Variants in MIDEAS observed in about 807,000 individuals in gnomAD.
MIDEAS encodes the protein mitotic deacetylase associated SANT domain protein, also known as mitotic deacetylase-associated SANT domain protein.
MIDEAS carries 26 observed loss-of-function variants against 102.7 expected under a neutral mutation model. The ratio of observed to expected loss-of-function variants is 0.25; its 90% CI spans 0.19 to 0.35. The LOEUF (loss-of-function observed/expected upper bound fraction) is 0.35, where lower values mean the gene tolerates loss of function less well. Ranked by LOEUF, MIDEAS falls within the 10% of genes least tolerant of loss-of-function variation. MIDEAS has a pLI of 1.00. For synonymous variants in MIDEAS, 585 were observed against 591.0 expected (o/e 0.99, Z 0.15); for missense variants, 1,231 against 1,435.6 (o/e 0.86, Z 2.30).
chr14:73,730,413 G>A (rs1322485852), intron 3 of MIDEAS, among the ~76,000 whole-genome samples: 4 of 152,186 alleles, frequency 2.6e-5, no homozygotes, highest in Non-Finnish European at 5.9e-5. Context: ...GACTTCTTGG[G>A]TTGGGACCTA....
At chr14:73,726,575 C>A (rs1161137307) in intron 7 of MIDEAS, 29 bp downstream of exon 7, 2 of 1,604,938 alleles carry the variant, frequency 1.2e-6, no homozygotes, top group Non-Finnish European at 8.5e-7. Flanking sequence ...CACTGAGGGG[C>A]CCTCCCTCTG....
intron 3 of MIDEAS, among the ~76,000 whole-genome samples, chr14:73,734,972 C>T (rs1214058602): frequency 6.6e-6 from 1 of 152,106 alleles, no homozygotes; most frequent in Non-Finnish European, 1.5e-5. Flanking sequence ...AGATGGGAAA[C>T]AGCTAACAGT....
intron 5 of MIDEAS, 76 bp from the exon 6 acceptor site, chr14:73,727,048 A>G: frequency 6.6e-7 from 1 of 1,516,638 alleles, no homozygotes; most frequent in Non-Finnish European, 8.9e-7. Context: ...TCAGGGTGGG[A>G]AGAAGATGAG....
intron 3 of MIDEAS, among the ~76,000 whole-genome samples, chr14:73,734,265 G>A (rs1449848753): frequency 6.6e-6 from 1 of 152,146 alleles, no homozygotes; most frequent in African/African-American, 2.4e-5. Context: ...TTACAGACGT[G>A]AGCCACTGCC....
chr14:73,722,820 C>T lies in MIDEAS; in HGVS notation c.2602G>A (p.Val868Met). The T allele has an allele frequency of 2.5e-6, 4 of 1,614,168 alleles. No homozygotes were observed. The highest frequency in any genetic ancestry group is 2.5e-6 in the Non-Finnish European group (3 of 1,180,004). Residue 868 changes from valine to methionine, a missense_variant, in exon 10 of 13, where the codon GTG becomes ATG. Physicochemically the swap from Val to Met is conservative, Grantham distance 21. Around this residue, in one of 5 missense-constraint regions of MIDEAS, gnomAD observed 391 missense variants for 483.0 expected, o/e 0.81. Transcript: ENST00000423556. ...LIQTKTVAQC[V>M]EFYYTYKKQV... ...TTCTTGTAGGTGTAGTAGAACTCCA[C>T]GCACTGGGCCACGGTCTTGGTCTGG... is the stretch of plus-strand genomic sequence containing the variant.
intron 2 of MIDEAS, among the ~76,000 whole-genome samples, chr14:73,738,166 G>A (rs1286759379): frequency 6.6e-6 from 1 of 152,038 alleles, no homozygotes; most frequent in Non-Finnish European, 1.5e-5. Context: ...GGGGGGCTGA[G>A]GCAGGCAGAT....
At chr14:73,782,745 G>A (rs1011644187) in intron 1 of MIDEAS, among the ~76,000 whole-genome samples, 3 of 152,254 alleles carry the variant, frequency 2.0e-5, no homozygotes, top group East Asian at 3.8e-4. Context: ...GAGCAGAGGT[G>A]TAGGGCATCA....
At chr14:73,724,099 T>G (rs1010402570) in intron 9 of MIDEAS, 3 of 152,250 alleles carry the variant, frequency 2.0e-5, no homozygotes, top group Admixed American at 6.5e-5. Context: ...TAAGTAAGAC[T>G]AGATGATCTC....
chr14:73,751,538 C>T (rs772326775), intron 1 of MIDEAS, among the ~76,000 whole-genome samples: 2 of 151,962 alleles, frequency 1.3e-5, no homozygotes, highest in Non-Finnish European at 2.9e-5. Context: ...GCATCTTTGC[C>T]TAAGAGGAAG....
At chr14:73,743,787 G>A (rs1476275459) in intron 1 of MIDEAS, among the ~76,000 whole-genome samples, 1 of 152,046 alleles carries the variant, frequency 6.6e-6, no homozygotes, top group African/African-American at 2.4e-5. Context: ...ACGGATGCAG[G>A]AACACTGCAA....
intron 1 of MIDEAS, among the ~76,000 whole-genome samples, chr14:73,744,329 T>C (rs902212435): frequency 2.0e-5 from 3 of 152,240 alleles, no homozygotes; most frequent in African/African-American, 2.4e-5. Context: ...ACCAGTCTGC[T>C]TGGGGCAATC....
In MIDEAS at chr14:73,739,395, T is replaced by C. The variant is rs143293780; in HGVS notation, c.614A>G (p.Lys205Arg). ...GGGCAGTGACTGGTTTGGGGGTTTC[T>C]TGGCTGCGTGGAAAGAATTCAGGGG... ...QAPLNSFHAA[K>R]KPPNQSLPLQ... The change falls in exon 2 of 13, where the codon AAG becomes AGG. Residue 205 changes from lysine (K) to arginine (R), a missense_variant. By Grantham distance (26) the Lys-to-Arg change is conservative. Coordinates refer to ENST00000423556, the MANE Select transcript of MIDEAS (RefSeq NM_001367710.1). The C allele has an allele frequency of 1.9e-6, 3 of 1,581,354 alleles. No individual in the cohort carries two copies. The highest frequency in any genetic ancestry group is 2.6e-6 in the Non-Finnish European group (3 of 1,161,944).
At chr14:73,737,343 G>T in intron 2 of MIDEAS, 46 bp from the exon 3 acceptor site, 1 of 1,568,562 alleles carries the variant, frequency 6.4e-7, no homozygotes, top group Non-Finnish European at 8.7e-7. Context: ...GTAAGTCATA[G>T]CCAGGCGCAG....
At chr14:73,774,372 C>T (rs754992624) in intron 1 of MIDEAS, among the ~76,000 whole-genome samples, 1 of 151,934 alleles carries the variant, frequency 6.6e-6, no homozygotes, top group Non-Finnish European at 1.5e-5. Context: ...CCTGTCCTGA[C>T]TGCCTCATGA....
At chr14:73,756,287 TGTGTGTGTGCGCGCGCGC>T (rs776791644) in intron 1 of MIDEAS, among the ~76,000 whole-genome samples, 63 of 99,644 alleles carry the variant, frequency 6.3e-4, no homozygotes, top group Middle Eastern at 6.0e-3. Context: ...TGTGTGTGTG[TGTGTGTGTGCGCGCGCGC>T]GTGCGCGCTG....
At chr14:73,735,604 C>A (rs2053190505) in intron 3 of MIDEAS, among the ~76,000 whole-genome samples, 1 of 152,100 alleles carries the variant, frequency 6.6e-6, no homozygotes, top group Non-Finnish European at 1.5e-5. Flanking sequence ...AAAGATACAC[C>A]TTAAGTAGAA....
At position 73,739,291 on chromosome 14, in the gene MIDEAS, C is replaced by T; in HGVS notation, c.718G>A (p.Val240Met). 1 of 1,611,760 alleles carries T rather than the reference C, an allele frequency of 6.2e-7. No homozygotes were observed. Among genetic ancestry groups the T allele is most frequent in the Non-Finnish European group, 8.5e-7 (1 of 1,179,852 alleles). ...TGCTTCTGTGGAGGGAAGGCAGCCA[C>T]CGGGTTTGGGGGCGGTGGGCCCTGC... ...FRQGPPPPNP[V>M]AAFPPQKQQQ... Residue 240 changes from valine (V) to methionine (M), a missense_variant, in exon 2 of 13, where the codon GTG becomes ATG. Val to Met is a conservative substitution (Grantham distance 21). Transcript: ENST00000423556.
intron 1 of MIDEAS, among the ~76,000 whole-genome samples, chr14:73,774,103 C>A (rs1238113920): frequency 6.6e-6 from 1 of 151,736 alleles, no homozygotes; most frequent in Non-Finnish European, 1.5e-5. Flanking sequence ...ACAGGTCTCT[C>A]TGAGTGGCAC....
In MIDEAS at chr14:73,758,341, G is replaced by A. The variant is rs191240724; in HGVS notation, c.-248+1422C>T. 2.3e-4 allele frequency among the ~76,000 whole-genome samples: 35 copies of A among 152,332 alleles called. 1 individual carries two copies. In the East Asian group the frequency reaches 6.2e-3, roughly 27 times the overall value. On this transcript the variant is annotated intron_variant, in intron 1 of 12. Transcript: ENST00000423556. Reference sequence around the variant, plus strand: ...GGGGCGTGTGCCACACCTTTGGTGGGAGGCTCTAGAGCAAGACAGGTGGTT... The same window carrying A: ...GGGGCGTGTGCCACACCTTTGGTGGAAGGCTCTAGAGCAAGACAGGTGGTT...
Sources: allele counts gnomAD v4.1 joint callset (sites outside exome capture counted in the v4.1 genomes callset), GRCh38; gene constraint gnomAD v4.1.1; regional missense constraint gnomAD v4.1.1; transcripts MANE v1.5; gene names NCBI Gene and HGNC (gene_info 2026-07-23, HGNC 2026-07-21).